The following NME7 variants were observed in gnomAD, a reference collection of about 807,000 sequenced individuals.
NME7 encodes nucleoside diphosphate kinase 7.
Under a neutral mutation model 49.1 loss-of-function variants are expected in NME7, and 41 were observed. The observed-to-expected ratio is 0.83, with a 90% confidence interval of 0.65 to 1.08. NME7 has a LOEUF of 1.08. Among genes scored for constraint, NME7 ranks in the 50% least tolerant of loss-of-function variants. The probability of loss-of-function intolerance (pLI) is 0.00; values close to 1 mark genes in which losing one functional copy is unlikely to be tolerated. For synonymous variants in NME7, 139 were observed against 150.6 expected, an observed-to-expected ratio of 0.92 and a Z score of 0.56; for missense variants, 423 against 463.4, an observed-to-expected ratio of 0.91 and a Z score of 0.80.
chr1:169,335,990 G>T (rs930533993), intron 1 of NME7, among the ~76,000 whole-genome samples: 4 of 151,864 alleles, frequency 2.6e-5, no homozygotes, highest in Non-Finnish European at 4.4e-5. Context: ...TGAAGCCGTG[G>T]ACCCTCGCAG....
At chr1:169,298,023 C>T (rs925815403) in intron 6 of NME7, among the ~76,000 whole-genome samples, 4 of 152,064 alleles carry the variant, frequency 2.6e-5, no homozygotes, top group South Asian at 4.1e-4. Context: ...ACACTTCTCA[C>T]GATGCTAAAA....
chr1:169,330,989 A>G (rs1469705958), intron 1 of NME7, among the ~76,000 whole-genome samples: 2 of 152,170 alleles, frequency 1.3e-5, no homozygotes, highest in African/African-American at 2.4e-5. Flanking sequence ...AAAACCAGAC[A>G]ATGACACATC....
Position 169,366,109 on chromosome 1 carries a change from C to A in NME7, c.3+1599G>T, listed in dbSNP as rs186118755. On this transcript the variant is annotated intron_variant, in intron 1 of 11. Transcript: ENST00000367811. ...TGTTAGTAGAATCCATGTGAGTGGACAAAATCACCCAAGGAAAATGTCTAG... is the reference window on the plus strand; with the variant it reads ...TGTTAGTAGAATCCATGTGAGTGGAAAAAATCACCCAAGGAAAATGTCTAG... Among the ~76,000 whole-genome samples the A allele has an allele frequency of 2.8e-3, 426 of 152,182 alleles. 1 individual carries two copies. Among genetic ancestry groups the A allele is most frequent in the Non-Finnish European group, 5.3e-3 (361 of 67,994 alleles).
At chr1:169,319,725 C>T (rs1651784034) in intron 3 of NME7, among the ~76,000 whole-genome samples, 1 of 152,142 alleles carries the variant, frequency 6.6e-6, no homozygotes, top group Non-Finnish European at 1.5e-5. Flanking sequence ...GTCTTCCTTT[C>T]ACTGAAAGTT....
At position 169,274,824 on chromosome 1, in the gene NME7, A is replaced by G. The variant is rs1342409649; in HGVS notation, c.754+12479T>C. On this transcript the variant is annotated intron_variant, in intron 7 of 11. Coordinates refer to ENST00000367811, the MANE Select transcript of NME7 (RefSeq NM_013330.5). The stretch of plus-strand genomic sequence containing the variant: ...GGGCTCTGTTGTGTTCCATTCATCT[A>G]TCTCTCTGTTTTGGTACCAGTACCA... Among the ~76,000 whole-genome samples, 7 of 132,974 alleles carry G rather than the reference A, an allele frequency of 5.3e-5. 1 individual carries two copies. The East Asian group carries it at 1.4e-3, about 27-fold the overall frequency. The allele number at this position is 132,974 out of a possible 152,430, so 87.2% of individuals were successfully genotyped here.
At chr1:169,147,110 G>T (rs957660099) in intron 11 of NME7, among the ~76,000 whole-genome samples, 1 of 152,128 alleles carries the variant, frequency 6.6e-6, no homozygotes, top group Admixed American at 6.5e-5. Flanking sequence ...CAATACAGCA[G>T]CTTGATAGTT....
intron 1 of NME7, among the ~76,000 whole-genome samples, chr1:169,346,307 C>T (rs1012884434): frequency 6.6e-6 from 1 of 152,150 alleles, no homozygotes; most frequent in African/African-American, 2.4e-5. Context: ...CAAGATCTGG[C>T]CTCCAGTGAT....
At chr1:169,324,273 T>C in intron 2 of NME7, 120 bp downstream of exon 2, 1 of 491,088 alleles carries the variant, frequency 2.0e-6, no homozygotes. Context: ...AGAATTTCCA[T>C]ATGTATATAT....
chr1:169,299,768 C>T (rs1650867208), intron 5 of NME7, among the ~76,000 whole-genome samples: 1 of 152,056 alleles, frequency 6.6e-6, no homozygotes, highest in South Asian at 2.1e-4. Context: ...AAAAAGTATT[C>T]TTGTCTTCTA....
At chr1:169,172,751 C>T (rs1659642980) in intron 10 of NME7, among the ~76,000 whole-genome samples, 2 of 152,198 alleles carry the variant, frequency 1.3e-5, no homozygotes, top group South Asian at 2.1e-4. Flanking sequence ...AAAGCTTACA[C>T]ATCCCAGTGA....
chr1:169,207,842 A>G (rs1660714584), intron 10 of NME7, among the ~76,000 whole-genome samples: 1 of 152,098 alleles, frequency 6.6e-6, no homozygotes. Flanking sequence ...AAGAAAACAA[A>G]ATAATGAAGG....
intron 7 of NME7, among the ~76,000 whole-genome samples, chr1:169,239,449 A>G (rs886795426): frequency 6.6e-6 from 1 of 152,002 alleles, no homozygotes; most frequent in African/African-American, 2.4e-5. Flanking sequence ...TGGAAGAATG[A>G]CAATACTTTT....
intron 7 of NME7, among the ~76,000 whole-genome samples, chr1:169,250,202 G>C: frequency 6.6e-6 from 1 of 151,950 alleles, no homozygotes; most frequent in East Asian, 1.9e-4. Flanking sequence ...CTTAATCTAG[G>C]AGTGTTTATG....
intron 7 of NME7, among the ~76,000 whole-genome samples, chr1:169,244,553 G>A (rs543825956): frequency 6.7e-5 from 10 of 149,526 alleles, no homozygotes; most frequent in South Asian, 2.1e-4. Flanking sequence ...GGAGGATGGC[G>A]TGAACCTGGG....
intron 1 of NME7, among the ~76,000 whole-genome samples, chr1:169,339,708 C>T (rs946884545): frequency 6.6e-6 from 1 of 152,202 alleles, no homozygotes; most frequent in Non-Finnish European, 1.5e-5. Context: ...TCCAGACCTT[C>T]ACTCTGCTCT....
Position 169,273,826 on chromosome 1 carries a change from G to A in NME7, c.754+13477C>T, listed in dbSNP as rs1374592214. Among the ~76,000 whole-genome samples the A allele has an allele frequency of 1.4e-4, 18 of 124,558 alleles. 2 individuals carry two copies. In the Admixed American group the frequency reaches 1.5e-3, roughly 10 times the overall value. The allele number at this position is 124,558 out of a possible 152,430, so 81.7% of individuals were successfully genotyped here. On this transcript the variant is annotated intron_variant, in intron 7 of 11. Transcript: ENST00000367811. ...TTATGGCTGCATAGTATTCCATGGT[G>A]TATATGTGCCACATTTTCTTAATCC...
At chr1:169,301,731 T>G (rs919430603) in intron 5 of NME7, among the ~76,000 whole-genome samples, 1 of 152,070 alleles carries the variant, frequency 6.6e-6, no homozygotes, top group Admixed American at 6.6e-5. Context: ...CACAGAATTC[T>G]ACACAGCCAT....
At chr1:169,164,180 T>A (rs971920967) in intron 11 of NME7, among the ~76,000 whole-genome samples, 2 of 151,612 alleles carry the variant, frequency 1.3e-5, no homozygotes, top group Admixed American at 1.3e-4. Context: ...ACTGGCTAGG[T>A]GATTCTGATG....
chr1:169,187,520 G>T (rs1199533832), intron 10 of NME7, among the ~76,000 whole-genome samples: 2 of 151,920 alleles, frequency 1.3e-5, no homozygotes, highest in Non-Finnish European at 2.9e-5. Context: ...TGTCTTTTTT[G>T]ATCTTTGTTG....
Sources: allele counts gnomAD v4.1 joint callset (sites outside exome capture counted in the v4.1 genomes callset), GRCh38; gene constraint gnomAD v4.1.1; transcripts MANE v1.5; gene names NCBI Gene and HGNC (gene_info 2026-07-23, HGNC 2026-07-21).